The following PLCG2 variants were observed in gnomAD, a reference collection of about 807,000 sequenced individuals.
The protein encoded by PLCG2 is 1-phosphatidylinositol 4,5-bisphosphate phosphodiesterase gamma-2.
A neutral mutation model predicts 175.6 loss-of-function variants in PLCG2; 69 were observed. That is an observed-to-expected ratio of 0.39 (90% CI 0.32 to 0.48). The LOEUF (loss-of-function observed/expected upper bound fraction) is 0.48. PLCG2 is among the 20% of genes least tolerant of loss of function. The pLI is 0.91. For missense variants in PLCG2, 1,798 were observed against 1,650.9 expected (o/e 1.09, Z -1.54); for synonymous variants, 827 against 624.0 (o/e 1.33, Z -4.85).
intron 7 of PLCG2, among the ~76,000 whole-genome samples, chr16:81,871,624 C>A (rs1054523047): frequency 2.0e-5 from 3 of 152,156 alleles, no homozygotes; most frequent in African/African-American, 7.2e-5. Context: ...AGGTGTGAGC[C>A]ACTGTGCCCA....
At chr16:81,746,695 G>T (rs958242158) in intron 1 of PLCG2, among the ~76,000 whole-genome samples, 2 of 152,180 alleles carry the variant, frequency 1.3e-5, no homozygotes, top group Non-Finnish European at 2.9e-5. Flanking sequence ...TGAGTAAACA[G>T]GCAGTTTAAC....
At chr16:81,952,909 T>C (rs1911423589) in intron 31 of PLCG2, among the ~76,000 whole-genome samples, 1 of 152,176 alleles carries the variant, frequency 6.6e-6, no homozygotes, top group African/African-American at 2.4e-5. Context: ...AAATAGCAGC[T>C]TTACAGCGGA....
At chr16:81,823,692 A>ATTTT (rs546942391) in intron 2 of PLCG2, among the ~76,000 whole-genome samples, 1 of 144,868 alleles carries the variant, frequency 6.9e-6, no homozygotes, top group Non-Finnish European at 1.5e-5. Flanking sequence ...TGCCCAGCTA[A>ATTTT]TTTTTTTTTT....
intron 2 of PLCG2, among the ~76,000 whole-genome samples, chr16:81,788,976 C>T (rs1473712936): frequency 1.3e-5 from 2 of 152,346 alleles, no homozygotes; most frequent in East Asian, 3.9e-4. Context: ...TTGTTCCTTT[C>T]TCTTCTCAAC....
intron 1 of PLCG2, among the ~76,000 whole-genome samples, chr16:81,747,186 C>G (rs1909722695): frequency 1.3e-5 from 2 of 152,182 alleles, no homozygotes; most frequent in South Asian, 2.1e-4. Flanking sequence ...GATTCCCCCT[C>G]TAGGAATTTC....
intron 2 of PLCG2, among the ~76,000 whole-genome samples, chr16:81,792,349 G>A (rs1045514672): frequency 2.0e-5 from 3 of 151,712 alleles, no homozygotes; most frequent in Non-Finnish European, 4.4e-5. Context: ...GGGTGTAGTG[G>A]CACATGCCTG....
At chr16:81,758,187 A>G (rs1428854336) in intron 2 of PLCG2, among the ~76,000 whole-genome samples, 1 of 152,090 alleles carries the variant, frequency 6.6e-6, no homozygotes, top group African/African-American at 2.4e-5. Flanking sequence ...GGTGTTCCTC[A>G]GGCTGATTTC....
chr16:81,899,378 C>T (rs1270840800), intron 13 of PLCG2, among the ~76,000 whole-genome samples: 2 of 151,552 alleles, frequency 1.3e-5, no homozygotes, highest in African/African-American at 4.9e-5. Flanking sequence ...TATACATACA[C>T]GTTCACATGA....
chr16:81,750,792 C>G (rs1426770906), intron 1 of PLCG2, among the ~76,000 whole-genome samples: 1 of 149,108 alleles, frequency 6.7e-6, no homozygotes, highest in Non-Finnish European at 1.5e-5. Flanking sequence ...CTCAGCCTCC[C>G]GAGTACTTGG....
At chr16:81,877,675 A>G (rs923937514) in intron 7 of PLCG2, among the ~76,000 whole-genome samples, 3 of 152,142 alleles carry the variant, frequency 2.0e-5, no homozygotes, top group East Asian at 1.9e-4. Context: ...CAGTCCTACA[A>G]GTGTTCCTCG....
chr16:81,962,614 G>A lies in PLCG2; in HGVS notation c.*4616G>A, dbSNP rs1298180715. 4 of 223,014 alleles carry A rather than the reference G, an allele frequency of 1.8e-5. No individual in the cohort carries two copies. Among genetic ancestry groups the A allele is most frequent in the African/African-American group, 8.9e-5 (4 of 44,830 alleles). 13.8% of individuals were successfully genotyped at this position (223,014 alleles called of 1,614,324 possible). A position where few individuals can be genotyped will look rare whatever the true frequency, so the allele number is the denominator to read the frequency against. ...AATTAAGTGAATGAGTCACACAGAT[G>A]TTGGCTGTTGTTAATGTGAAAATTA... On this transcript the variant is annotated 3_prime_UTR_variant, in exon 33 of 33. Coordinates refer to ENST00000564138, the MANE Select transcript of PLCG2 (RefSeq NM_002661.5).
At chr16:81,831,486 G>T (rs990082552) in intron 2 of PLCG2, among the ~76,000 whole-genome samples, 2 of 152,208 alleles carry the variant, frequency 1.3e-5, no homozygotes, top group African/African-American at 4.8e-5. Flanking sequence ...CCACGAAACT[G>T]GCCCTCTCTA....
chr16:81,870,753 G>A (rs1164607867), intron 6 of PLCG2, 99 bp from the exon 7 acceptor site: 2 of 609,786 alleles, frequency 3.3e-6, no homozygotes, highest in East Asian at 2.9e-5. Flanking sequence ...CAATAAAATA[G>A]CATGCCATTT....
intron 2 of PLCG2, among the ~76,000 whole-genome samples, chr16:81,802,505 G>A (rs1268192732): frequency 3.3e-5 from 5 of 152,144 alleles, no homozygotes; most frequent in Admixed American, 6.5e-5. Context: ...TATTGAATGT[G>A]TAACTGCTAC....
chr16:81,768,888 T>C (rs1159430130), intron 2 of PLCG2, among the ~76,000 whole-genome samples: 2 of 152,086 alleles, frequency 1.3e-5, no homozygotes. Flanking sequence ...GTTTTTTATT[T>C]TAACCATTTT....
intron 1 of PLCG2, among the ~76,000 whole-genome samples, chr16:81,780,094 G>A (rs112299980): frequency 1.3e-5 from 2 of 152,176 alleles, no homozygotes; most frequent in Admixed American, 6.5e-5. Context: ...CCAGCAGGAC[G>A]GTGGGGCGGG....
intron 5 of PLCG2, 135 bp from the exon 6 acceptor site, chr16:81,869,079 G>A (rs1907385461): frequency 1.4e-6 from 1 of 691,292 alleles, no homozygotes; most frequent in African/African-American, 1.8e-5. Flanking sequence ...CTTGTTCCCA[G>A]TTAGTGGTCC....
chr16:81,817,321 T>A (rs780236815), intron 2 of PLCG2, among the ~76,000 whole-genome samples: 7 of 152,256 alleles, frequency 4.6e-5, no homozygotes, highest in Non-Finnish European at 1.0e-4. Flanking sequence ...GTGAGGCAGT[T>A]GTGAAGGTAA....
chr16:81,821,660 G>A (rs2143338104), intron 2 of PLCG2, among the ~76,000 whole-genome samples: 1 of 152,214 alleles, frequency 6.6e-6, no homozygotes, highest in East Asian at 1.9e-4. Context: ...CTCAGGAAGT[G>A]GCCTCTGTAG....
Sources: gnomAD v4.1 joint callset for allele counts (sites outside exome capture counted in the v4.1 genomes callset) on GRCh38, gnomAD v4.1.1 for gene constraint, MANE v1.5 for transcripts, NCBI Gene and HGNC (gene_info 2026-07-23, HGNC 2026-07-21) for gene names.